Variants in DCAF6 observed in about 807,000 individuals in gnomAD.
DCAF6 encodes the protein DDB1 and CUL4 associated factor 6, also known as DDB1- and CUL4-associated factor 6.
DCAF6 carries 54 observed loss-of-function variants against 125.1 expected under a neutral mutation model. The observed-to-expected ratio is 0.43, with a 90% CI of 0.35 to 0.54. The LOEUF is 0.54. Among genes scored for constraint, DCAF6 ranks in the 20% least tolerant of loss-of-function variants. The pLI, the probability that DCAF6 is intolerant of heterozygous loss-of-function variation, is 0.01. For synonymous variants in DCAF6, 371 were observed against 390.4 expected (o/e 0.95, Z 0.58); for missense variants, 934 against 1,161.7 (o/e 0.80, Z 2.85).
chr1:167,997,726 C>A (rs1681956083), intron 7 of DCAF6, among the ~76,000 whole-genome samples: 1 of 151,944 alleles, frequency 6.6e-6, no homozygotes, highest in South Asian at 2.1e-4. Flanking sequence ...AAATGTTTTG[C>A]AGATCATGTG....
At chr1:168,056,055 A>G (rs1162368020) in intron 17 of DCAF6, 1 of 1,591,944 alleles carries the variant, frequency 6.3e-7, no homozygotes, top group Non-Finnish European at 8.6e-7. Flanking sequence ...AGCTTCATTA[A>G]TTTCAGTTAC....
chr1:167,870,445 A>G, the DCAF6 span: 2 of 1,547,128 alleles, frequency 1.3e-6, no homozygotes, highest in South Asian at 1.1e-5. Context: ...AGCAAACTCA[A>G]TCAACGTAAA....
intron 3 of DCAF6, among the ~76,000 whole-genome samples, chr1:167,967,503 T>C (rs1427152839): frequency 6.6e-6 from 1 of 152,170 alleles, no homozygotes; most frequent in Non-Finnish European, 1.5e-5. Flanking sequence ...AAAGAAAGTG[T>C]GTGATGTTCT....
chr1:168,000,312 A>G (rs759991231), intron 7 of DCAF6, among the ~76,000 whole-genome samples: 1 of 152,196 alleles, frequency 6.6e-6, no homozygotes, highest in Non-Finnish European at 1.5e-5. Context: ...ATAATGAATA[A>G]GTTTGAAATA....
chr1:168,001,426 A>C (rs966657860), intron 7 of DCAF6, among the ~76,000 whole-genome samples: 3 of 152,200 alleles, frequency 2.0e-5, no homozygotes, highest in African/African-American at 4.8e-5. Flanking sequence ...TGAACACTTT[A>C]TAATTGATCA....
chr1:168,037,359 G>T (rs1687972251), intron 12 of DCAF6, among the ~76,000 whole-genome samples: 1 of 152,056 alleles, frequency 6.6e-6, no homozygotes, highest in Admixed American at 6.6e-5. Flanking sequence ...TTTATTTTTA[G>T]TATTAAATCA....
chr1:167,945,672 G>A (rs1280188551), intron 1 of DCAF6, among the ~76,000 whole-genome samples: 3 of 151,690 alleles, frequency 2.0e-5, no homozygotes, highest in Admixed American at 2.0e-4. Flanking sequence ...TTGTGTGTGT[G>A]TGTATTTTTA....
chr1:167,923,750 T>C, the DCAF6 span, among the ~76,000 whole-genome samples: 22,431 of 151,322 alleles, frequency 0.15, 2,236 homozygotes, highest in African/African-American at 0.28. Context: ...TAGAGGGCAT[T>C]AGAGAATCAT....
intron 2 of DCAF6, among the ~76,000 whole-genome samples, chr1:167,966,285 G>A (rs888739279): frequency 4.6e-5 from 7 of 152,206 alleles, no homozygotes; most frequent in African/African-American, 1.7e-4. Context: ...ATTAAATCAA[G>A]CTTGTCTAAC....
intron 12 of DCAF6, among the ~76,000 whole-genome samples, chr1:168,033,696 T>C (rs1342441117): frequency 6.6e-6 from 1 of 152,194 alleles, no homozygotes; most frequent in Non-Finnish European, 1.5e-5. Flanking sequence ...TGAAGTCCTT[T>C]ACAGTCTTTT....
rs190262978 is a variant in DCAF6 at position 168,027,721 on chromosome 1, T to A, written c.1609+4674T>A. On this transcript the variant is annotated intron_variant, in intron 12 of 21. Transcript: ENST00000367840. ...TTACTAATAAATTTTTTTAAAAATT[T>A]TAGTGGACTTGGTTACTGAAGAAAT... 7.4e-4 allele frequency among the ~76,000 whole-genome samples: 112 copies of A among 152,226 alleles called. 2 individuals carry two copies. Among genetic ancestry groups the A allele is most frequent in the African/African-American group, 2.4e-3 (101 of 41,564 alleles).
intron 16 of DCAF6, among the ~76,000 whole-genome samples, chr1:168,050,334 T>C (rs771746333): frequency 2.0e-5 from 3 of 152,224 alleles, no homozygotes; most frequent in Non-Finnish European, 4.4e-5. Context: ...TCAGTCATCA[T>C]TGTAACCATG....
At chr1:167,870,806 T>TA in the DCAF6 span, among the ~76,000 whole-genome samples, 8,437 of 128,928 alleles carry the variant, frequency 0.065, 757 homozygotes, top group African/African-American at 0.21. Flanking sequence ...AAACTCCATC[T>TA]AAAAAAAAAA....
intron 7 of DCAF6, among the ~76,000 whole-genome samples, chr1:167,995,150 G>A (rs879572919): frequency 1.3e-5 from 2 of 151,976 alleles, no homozygotes; most frequent in African/African-American, 2.4e-5. Context: ...GAAATACATG[G>A]GTAAGTAAAG....
intron 12 of DCAF6, among the ~76,000 whole-genome samples, chr1:168,024,454 T>C (rs755477766): frequency 6.6e-6 from 1 of 152,146 alleles, no homozygotes; most frequent in Non-Finnish European, 1.5e-5. Context: ...TAGAGAAATA[T>C]TCAGAAACTA....
chr1:168,032,586 A>G (rs747570707), intron 12 of DCAF6, among the ~76,000 whole-genome samples: 5 of 152,182 alleles, frequency 3.3e-5, no homozygotes, highest in South Asian at 2.1e-4. Flanking sequence ...ATATTTCACC[A>G]TATGTTTTAT....
chr1:168,033,530 G>C (rs1687409670), intron 12 of DCAF6, among the ~76,000 whole-genome samples: 1 of 151,580 alleles, frequency 6.6e-6, no homozygotes, highest in African/African-American at 2.4e-5. Context: ...TGTTAGCCAG[G>C]ATGGTCTCGA....
the DCAF6 span, among the ~76,000 whole-genome samples, chr1:167,886,697 A>C: frequency 0.29 from 43,721 of 152,104 alleles, 6,395 homozygotes; most frequent in Middle Eastern, 0.4. Flanking sequence ...ATTGACAAAC[A>C]GGATCCAATT....
chr1:168,061,640 A>G lies in DCAF6; in HGVS notation c.2301-1981A>G, dbSNP rs574813740. On this transcript the variant is annotated intron_variant, in intron 17 of 21. Coordinates refer to ENST00000367840, the MANE Select transcript of DCAF6 (RefSeq NM_001198956.2). Reference sequence around the variant, plus strand: ...TTTAGATTATTTCCAATCTGTCTCAATTACAGTTGTGCAGTGAAAAAAAGT... The same window carrying G: ...TTTAGATTATTTCCAATCTGTCTCAGTTACAGTTGTGCAGTGAAAAAAAGT... 3.3e-4 allele frequency among the ~76,000 whole-genome samples: 51 copies of G among 152,302 alleles called. No homozygotes were observed. The South Asian group carries it at 9.7e-3, about 29-fold the overall frequency.
Sources: allele counts gnomAD v4.1 joint callset (sites outside exome capture counted in the v4.1 genomes callset), GRCh38; gene constraint gnomAD v4.1.1; transcripts MANE v1.5; gene names NCBI Gene and HGNC (gene_info 2026-07-23, HGNC 2026-07-21).